The following NEU3 variants were observed in gnomAD, a reference collection of about 807,000 sequenced individuals.
NEU3 encodes the protein sialidase-3.
A neutral mutation model predicts 11.4 loss-of-function variants in NEU3; 10 were observed. The ratio of observed to expected loss-of-function variants is 0.88; its 90% CI spans 0.54 to 1.49. The LOEUF (loss-of-function observed/expected upper bound fraction) is 1.49, where lower values mean the gene tolerates loss of function less well. Ranked by LOEUF, NEU3 falls within the 40% of genes most tolerant of loss-of-function variation. NEU3 has a pLI of 0.00. For synonymous variants in NEU3, 212 were observed against 228.2 expected, an observed-to-expected ratio of 0.93 and a Z score of 0.64; for missense variants, 529 against 581.8, an observed-to-expected ratio of 0.91 and a Z score of 0.93.
intron 1 of NEU3, chr11:74,989,904 T>G: frequency 1.5e-6 from 1 of 686,978 alleles, no homozygotes; most frequent in South Asian, 1.5e-5. Context: ...ATTTGAATTC[T>G]CTGCTTAAAT....
the NEU3 span, among the ~76,000 whole-genome samples, chr11:74,982,132 G>A: frequency 6.7e-3 from 1,020 of 152,284 alleles, 7 homozygotes; most frequent in Non-Finnish European, 0.01. Flanking sequence ...ATAGAACTTT[G>A]AACTAAAAAC....
chr11:75,004,275 T>G (rs1239941397), intron 2 of NEU3: 4 of 680,896 alleles, frequency 5.9e-6, no homozygotes, highest in Non-Finnish European at 5.3e-6. Context: ...TTATGTCAAT[T>G]TAGTTATTTT....
chr11:75,004,614 G>A (rs1303181956), intron 2 of NEU3, among the ~76,000 whole-genome samples: 3 of 152,112 alleles, frequency 2.0e-5, no homozygotes, highest in African/African-American at 7.2e-5. Context: ...TTATCTCATT[G>A]TATCCTTATA....
chr11:74,988,534 C>A (rs1449194879), upstream of NEU3: 1 of 154,670 alleles, frequency 6.5e-6, no homozygotes, highest in Non-Finnish European at 1.4e-5. Context: ...TTTTCATTTT[C>A]ATATTTTGCA....
In NEU3 at chr11:74,989,055, C is replaced by T. The variant is rs1482618815; in HGVS notation, c.-6C>T. The T allele has an allele frequency of 5.2e-6, 8 of 1,549,664 alleles. No homozygotes were observed. Among genetic ancestry groups the T allele is most frequent in the East Asian group, 2.5e-5 (1 of 40,778 alleles). ...TGGGGCCGGTGCCTCTTCCGGGCTT[C>T]GGCGAATGAGACCTGCGGACCTGCC... On this transcript the variant is annotated 5_prime_UTR_variant, in exon 1 of 3. Coordinates refer to ENST00000294064, the MANE Select transcript of NEU3 (RefSeq NM_006656.6).
chr11:74,987,632 T>C (rs1159337857), upstream of NEU3, among the ~76,000 whole-genome samples: 1 of 151,908 alleles, frequency 6.6e-6, no homozygotes. Flanking sequence ...GCTAACATGG[T>C]GAAACCCCGT....
At position 74,989,149 on chromosome 11, in the gene NEU3, G is replaced by T; in HGVS notation, c.89G>T (p.Ser30Ile). 1 of 1,551,144 alleles carries T rather than the reference G, an allele frequency of 6.4e-7. No individual in the cohort carries two copies. Among genetic ancestry groups the T allele is most frequent in the South Asian group, 1.2e-5 (1 of 84,056 alleles). ...APTETEEPGS[S>I]AEVMEEVTTC... Reference sequence around the variant, plus strand: ...ACAGAGACGGAGGAGCCGGGGTCCAGTGCAGGTGAGCGGGGTTGGGAGACA... The same window carrying T: ...ACAGAGACGGAGGAGCCGGGGTCCATTGCAGGTGAGCGGGGTTGGGAGACA... Residue 30 changes from serine to isoleucine, a missense_variant, in exon 1 of 3, where the codon AGT becomes ATT. By Grantham distance (142) the Ser-to-Ile change is moderately radical. Coordinates refer to ENST00000294064, the MANE Select transcript of NEU3 (RefSeq NM_006656.6).
At chr11:74,998,269 A>G (rs1326862656) in intron 2 of NEU3, among the ~76,000 whole-genome samples, 1 of 152,248 alleles carries the variant, frequency 6.6e-6, no homozygotes. Context: ...AATAATAATG[A>G]CAATGTTTGA....
At chr11:75,020,399 C>A (rs190577128), downstream of NEU3, among the ~76,000 whole-genome samples, 1 of 152,190 alleles carries the variant, frequency 6.6e-6, no homozygotes, top group Non-Finnish European at 1.5e-5. Context: ...TGTTCCACCA[C>A]CCAAATCTCA....
downstream of NEU3, among the ~76,000 whole-genome samples, chr11:75,019,138 A>T (rs555156393): frequency 6.6e-6 from 1 of 152,236 alleles, no homozygotes; most frequent in East Asian, 1.9e-4. Flanking sequence ...ATTCAATTTT[A>T]TAAGGGAAGT....
chr11:74,990,645 C>T (rs1256734134), intron 1 of NEU3, among the ~76,000 whole-genome samples: 1 of 152,154 alleles, frequency 6.6e-6, no homozygotes, highest in African/African-American at 2.4e-5. Context: ...TAGGCATGAG[C>T]CACCGCACCC....
upstream of NEU3, among the ~76,000 whole-genome samples, chr11:74,985,439 TA>T (rs1948659750): frequency 6.6e-6 from 1 of 152,228 alleles, no homozygotes; most frequent in African/African-American, 2.4e-5. Flanking sequence ...TATATACAGA[TA>T]TATAGAGACA....
intron 1 of NEU3, among the ~76,000 whole-genome samples, chr11:74,992,609 G>C (rs1288251538): frequency 6.6e-6 from 1 of 152,168 alleles, no homozygotes; most frequent in African/African-American, 2.4e-5. Flanking sequence ...AGAATACTTG[G>C]AGACTCCATT....
upstream of NEU3, among the ~76,000 whole-genome samples, chr11:74,987,329 A>G (rs776505681): frequency 6.6e-6 from 1 of 152,042 alleles, no homozygotes; most frequent in Non-Finnish European, 1.5e-5. Flanking sequence ...TAATTTTTCC[A>G]TATTTGGCCA....
intron 2 of NEU3, among the ~76,000 whole-genome samples, chr11:75,001,090 T>A (rs1030563349): frequency 1.3e-5 from 2 of 151,970 alleles, no homozygotes; most frequent in Non-Finnish European, 2.9e-5. Context: ...TACACAGTGG[T>A]TCTAGTTTTC....
At chr11:74,982,013 A>G in the NEU3 span, among the ~76,000 whole-genome samples, 32 of 151,570 alleles carry the variant, frequency 2.1e-4, no homozygotes, top group African/African-American at 4.3e-4. Context: ...GGCAGAAAAG[A>G]TGTTTTGACA....
At chr11:74,999,329 C>G (rs1180771486) in intron 2 of NEU3, among the ~76,000 whole-genome samples, 3 of 152,186 alleles carry the variant, frequency 2.0e-5, no homozygotes. Flanking sequence ...TTTATCAGAC[C>G]ACACCTGTTG....
At chr11:74,988,854 G>A, upstream of NEU3, 1 of 563,240 alleles carries the variant, frequency 1.8e-6, no homozygotes, top group Non-Finnish European at 3.1e-6. Context: ...GGCTCGCGGA[G>A]TAGGCCAACG....
rs7113716 is a variant in NEU3, at chr11:75,006,444, G to T, written c.1338G>T (p.Gly446=). 2.5e-6 allele frequency: 4 copies of T among 1,613,562 alleles called. No homozygotes were observed. The African/African-American group carries it at 4.0e-5, about 16-fold the overall frequency. Reference sequence around the variant, plus strand: ...GGGAGATCCTGAGTCACCTGCAGGGGGACTGCACCAGCCCTGGTAGGAACC... The same window carrying T: ...GGGAGATCCTGAGTCACCTGCAGGGTGACTGCACCAGCCCTGGTAGGAACC... The part of the protein sequence containing the change: ...THREILSHLQ[G]DCTSPGRNPS... The change falls in exon 3 of 3, where the codon GGG becomes GGT. Residue 446 remains glycine, a synonymous_variant. Transcript: ENST00000294064.
Sources: allele counts gnomAD v4.1 joint callset (sites outside exome capture counted in the v4.1 genomes callset), GRCh38; gene constraint gnomAD v4.1.1; transcripts MANE v1.5; gene names NCBI Gene and HGNC (gene_info 2026-07-23, HGNC 2026-07-21).